The following KIF1C variants were observed in gnomAD, a reference collection of about 807,000 sequenced individuals.
KIF1C encodes kinesin-like protein KIF1C.
KIF1C carries 61 observed loss-of-function variants against 126.5 expected under a neutral mutation model. That is an observed-to-expected ratio of 0.48 (90% confidence interval 0.39 to 0.60). The LOEUF (loss-of-function observed/expected upper bound fraction) is 0.60. Ranked by LOEUF, KIF1C falls within the 20% of genes least tolerant of loss-of-function variation. The pLI is 0.00. For synonymous variants in KIF1C, 640 were observed against 580.6 expected (o/e 1.10, Z -1.47); for missense variants, 1,315 against 1,489.2 (o/e 0.88, Z 1.93).
chr17:5,008,299 C>T lies in KIF1C; in HGVS notation c.1491+757C>T, dbSNP rs146096890. Among the ~76,000 whole-genome samples, 309 of 152,300 alleles carry T rather than the reference C, an allele frequency of 2.0e-3. 2 individuals are homozygous for T. Among genetic ancestry groups the T allele is most frequent in the African/African-American group, 7.2e-3 (298 of 41,566 alleles). On this transcript the variant is annotated intron_variant, in intron 16 of 22. Coordinates refer to ENST00000320785, the MANE Select transcript of KIF1C (RefSeq NM_006612.6). ...ATAGGGACTGACCAGTCAGAAAGGA[C>T]ACTGGATATAGACAGCCAGCACCGC... is the stretch of plus-strand genomic sequence containing the variant.
At chr17:5,007,970 A>G (rs1974773958) in intron 16 of KIF1C, among the ~76,000 whole-genome samples, 1 of 152,204 alleles carries the variant, frequency 6.6e-6, no homozygotes, top group South Asian at 2.1e-4. Context: ...GGTTGGTTAT[A>G]GATGGAGGCA....
intron 13 of KIF1C, among the ~76,000 whole-genome samples, chr17:5,005,545 G>C (rs562942299): frequency 6.6e-6 from 1 of 152,316 alleles, no homozygotes; most frequent in East Asian, 1.9e-4. Context: ...GAAGGGCACA[G>C]TGTGGGGAGT....
chr17:5,014,958 T>G lies in KIF1C; in HGVS notation c.1666+121T>G, dbSNP rs1974941786. The G allele has an allele frequency of 1.0e-5, 8 of 786,298 alleles. No homozygotes were observed. In the South Asian group the frequency reaches 1.3e-4, roughly 13 times the overall value. 48.7% of individuals were successfully genotyped at this position (786,298 alleles called of 1,614,324 possible). A position where few individuals can be genotyped will look rare whatever the true frequency, so the allele number is the denominator to read the frequency against. On this transcript the variant is annotated intron_variant, in intron 18 of 22. Coordinates refer to ENST00000320785, the MANE Select transcript of KIF1C (RefSeq NM_006612.6). ...AGTGCAGCCATATAAAGAGGGGATG[T>G]GGCCTTGTCCTCAGAGGGGCTTGGG...
intron 3 of KIF1C, 68 bp from the exon 4 acceptor site, chr17:5,000,704 G>T: frequency 2.2e-6 from 3 of 1,390,478 alleles, no homozygotes; most frequent in South Asian, 1.2e-5. Context: ...GGGGCTGGTT[G>T]GGGTATGGGC....
rs113047933 is a variant in KIF1C, at chr17:5,000,865, G to C, written c.183+17G>C. 1,044 of 1,611,750 alleles carry C rather than the reference G, an allele frequency of 6.5e-4. 11 individuals are homozygous for C. In the African/African-American group the frequency reaches 0.011, roughly 18 times the overall value. On this transcript the variant is annotated intron_variant, in intron 4 of 22. Transcript: ENST00000320785. ...CACACTTCGGTGGGTTGTTGGGCTG[G>C]GGGAAGAGCAAGGCAGTGAGAGACA...
chr17:5,020,015 T>A lies in KIF1C; in HGVS notation c.1686T>A (p.Pro562=). 6.2e-7 allele frequency: 1 copy of A among 1,605,072 alleles called. No individual in the cohort carries two copies. Residue 562 remains proline (P), a synonymous_variant, in exon 19 of 23, where the codon CCT becomes CCA. Coordinates refer to ENST00000320785, the MANE Select transcript of KIF1C (RefSeq NM_006612.6). This position sits in a 1 kb window ranked among gnomAD's most constrained non-coding sequence, Gnocchi z 5.8. ...PDGEVVVTLE[P]CEGAETYVNG... Reference sequence around the variant, plus strand: ...ATTCAGTGGTGGTCACTCTGGAGCCTTGTGAAGGAGCTGAGACATATGTGA... The same window carrying A: ...ATTCAGTGGTGGTCACTCTGGAGCCATGTGAAGGAGCTGAGACATATGTGA...
In KIF1C at chr17:5,002,525, G is replaced by GT. The variant is rs1974621890; in HGVS notation, c.493dup (p.Ser165PhefsTer30). ...GACCTCTTGAACCCCAAGAGTCGGG[G>GT]TTCTCTGCGGGTCCGGGAGCACCCC... On this transcript the variant is annotated frameshift_variant, in exon 7 of 23. Transcript: ENST00000320785. LOFTEE classifies it high-confidence loss of function. The GT allele has an allele frequency of 6.2e-7, 1 of 1,613,810 alleles. No homozygotes were observed. Among genetic ancestry groups the GT allele is most frequent in the African/African-American group, 1.3e-5 (1 of 74,908 alleles).
chr17:4,998,087 T>C lies in KIF1C; in HGVS notation c.-218T>C, dbSNP rs1974431630. 1 of 151,632 alleles carries C rather than the reference T, an allele frequency of 6.6e-6. No homozygotes were observed. The highest frequency in any genetic ancestry group is 2.4e-5 in the African/African-American group (1 of 41,348). The allele number at this position is 151,632 out of a possible 1,614,324, so 9.4% of individuals were successfully genotyped here. A position where few individuals can be genotyped will look rare whatever the true frequency, so the allele number is the denominator to read the frequency against. On this transcript the variant is annotated 5_prime_UTR_variant, in exon 1 of 23. Transcript: ENST00000320785. ...CGAACCGGCCCCAGATCCTTCCCGC[T>C]TCCGCCTCACGCTTCCCGGAAAGCT... is the stretch of plus-strand genomic sequence containing the variant.
At position 5,020,097 on chromosome 17, in the gene KIF1C, G is replaced by A; in HGVS notation, c.1750+18G>A. On this transcript the variant is annotated intron_variant, in intron 19 of 22. Transcript: ENST00000320785. The surrounding 1 kb of genome is among the most constrained non-coding windows in gnomAD (Gnocchi z 5.8). ...GAAGTCAGGTAGAAGATGTGTCGCA[G>A]ATTGAGGGTTCTGGGGCGTGGCTGT... The A allele has an allele frequency of 6.4e-7, 1 of 1,566,464 alleles. No homozygotes were observed. Among genetic ancestry groups the A allele is most frequent in the Non-Finnish European group, 8.7e-7 (1 of 1,153,374 alleles).
rs1974693477 is a variant in KIF1C at position 5,004,985 on chromosome 17, G to T, written c.1150G>T (p.Ala384Ser). The change falls in exon 13 of 23, where the codon GCC (alanine) becomes TCC (serine). Residue 384 changes from alanine to serine, a missense_variant. Physicochemically the swap from Ala to Ser is moderately conservative, Grantham distance 99. This residue lies in a region of KIF1C where 874 missense variants were observed against 1,053.2 expected (regional missense o/e 0.83). Transcript: ENST00000320785. ...ACTGCTGATGGCTCAGGGACTGTCA[G>T]CCTCTGCTCTGGAAGGTCGAGGTTC... Reference protein sequence around the residue: ...RELLMAQGLSASALEGLKTEE... With the variant: ...RELLMAQGLSSSALEGLKTEE... 6.2e-7 allele frequency: 1 copy of T among 1,614,132 alleles called. No homozygotes were observed. Among genetic ancestry groups the T allele is most frequent in the Non-Finnish European group, 8.5e-7 (1 of 1,180,046 alleles).
Position 5,024,600 on chromosome 17 carries a change from T to G in KIF1C, c.*449T>G. 1.3e-5 allele frequency: 2 copies of G among 157,424 alleles called. No individual in the cohort carries two copies. The highest frequency in any genetic ancestry group is 1.4e-5 in the Non-Finnish European group (1 of 71,334). 9.8% of individuals were successfully genotyped at this position (157,424 alleles called of 1,614,324 possible). ...GGAGGCATGGTAGGATCATAAGTCA[T>G]TCCCCTCCCCTTCCAGGCCTCCTGC... On this transcript the variant is annotated 3_prime_UTR_variant, in exon 23 of 23. Transcript: ENST00000320785.
At chr17:5,016,325 C>T (rs1212406527) in intron 18 of KIF1C, among the ~76,000 whole-genome samples, 1 of 151,524 alleles carries the variant, frequency 6.6e-6, no homozygotes, top group Non-Finnish European at 1.5e-5. Context: ...TTAGTAGAAA[C>T]AGGGTTTCTC....
chr17:5,003,824 AT>A (rs1974663250), intron 9 of KIF1C, 26 bp from the exon 10 acceptor site: 1 of 1,600,628 alleles, frequency 6.2e-7, no homozygotes, highest in Non-Finnish European at 8.6e-7. Context: ...AGAGGGTCTC[AT>A]CCCCACATTC....
Position 5,018,735 on chromosome 17 carries a change from A to T in KIF1C, c.1667-1261A>T, listed in dbSNP as rs142472397. Reference sequence around the variant, plus strand: ...AAAAAAGAAAAAAGAAAAGCCATCCATCACGATTAAATGACTTTAGATTAT... The same window carrying T: ...AAAAAAGAAAAAAGAAAAGCCATCCTTCACGATTAAATGACTTTAGATTAT... On this transcript the variant is annotated intron_variant, in intron 18 of 22. Coordinates refer to ENST00000320785, the MANE Select transcript of KIF1C (RefSeq NM_006612.6). Among the ~76,000 whole-genome samples, 10 of 152,082 alleles carry T rather than the reference A, an allele frequency of 6.6e-5. No homozygotes were observed. The East Asian group carries it at 1.9e-3, about 29-fold the overall frequency.
At chr17:5,016,190 T>A (rs918870028) in intron 18 of KIF1C, among the ~76,000 whole-genome samples, 2 of 150,078 alleles carry the variant, frequency 1.3e-5, no homozygotes, top group African/African-American at 4.9e-5. Flanking sequence ...CAGGCTGGAG[T>A]GCAGTGGTGC....
At chr17:5,013,242 G>T (rs1394669242) in intron 16 of KIF1C, among the ~76,000 whole-genome samples, 1 of 152,184 alleles carries the variant, frequency 6.6e-6, no homozygotes, top group Non-Finnish European at 1.5e-5. Flanking sequence ...GGAAAGAAAT[G>T]ATGGGACCTG....
At position 5,025,632 on chromosome 17, in the gene KIF1C, G is replaced by C. The variant is rs1975196236; in HGVS notation, c.*1481G>C. ...AGATCGAGACCATCCTGGCTATCAT[G>C]GTGAAACCCCATCTCTACTAAAAAT... On this transcript the variant is annotated 3_prime_UTR_variant, in exon 23 of 23. Transcript: ENST00000320785. 1 of 152,094 alleles carries C rather than the reference G, an allele frequency of 6.6e-6. No individual in the cohort carries two copies. The highest frequency in any genetic ancestry group is 1.5e-5 in the Non-Finnish European group (1 of 68,056). 9.4% of individuals were successfully genotyped at this position (152,094 alleles called of 1,614,324 possible). A position where few individuals can be genotyped will look rare whatever the true frequency, so the allele number is the denominator to read the frequency against.
At chr17:5,005,993 G>C (rs1250046917) in intron 13 of KIF1C, among the ~76,000 whole-genome samples, 2 of 151,886 alleles carry the variant, frequency 1.3e-5, no homozygotes, top group Non-Finnish European at 2.9e-5. Flanking sequence ...GGTCACCTGA[G>C]TTCAGGAGTT....
At chr17:5,001,481 G>T (rs1054568588) in intron 5 of KIF1C, 80 bp downstream of exon 5, 27 of 1,383,498 alleles carry the variant, frequency 2.0e-5, no homozygotes, top group Middle Eastern at 2.4e-4. Flanking sequence ...TAGGGTCGGA[G>T]GATTATGGAA....
Sources: allele counts gnomAD v4.1 joint callset (sites outside exome capture counted in the v4.1 genomes callset), GRCh38; gene constraint gnomAD v4.1.1; regional missense constraint gnomAD v4.1.1; non-coding constraint Gnocchi (gnomAD v3.1); transcripts MANE v1.5; gene names NCBI Gene and HGNC (gene_info 2026-07-23, HGNC 2026-07-21).